PPP4R2: variants seen among roughly 807,000 people sequenced by gnomAD.
PPP4R2 encodes the protein protein phosphatase 4 regulatory subunit 2.
Under a neutral mutation model 47.2 loss-of-function variants are expected in PPP4R2, and 13 were observed. That is an observed-to-expected ratio of 0.28 (90% CI 0.18 to 0.44). The LOEUF is 0.44. PPP4R2 is among the 20% of genes least tolerant of loss of function. The pLI, the probability that PPP4R2 is intolerant of heterozygous loss-of-function variation, is 1.00. For missense variants in PPP4R2, 421 were observed against 491.2 expected (o/e 0.86, Z 1.35); for synonymous variants, 151 against 163.3 (o/e 0.92, Z 0.57).
intron 3 of PPP4R2, among the ~76,000 whole-genome samples, chr3:73,054,790 ATTTTT>A (rs1178901844): frequency 6.6e-6 from 1 of 152,286 alleles, no homozygotes; most frequent in East Asian, 1.9e-4. Context: ...GTGCGCACTT[ATTTTT>A]TGAGTGCCTT....
chr3:73,036,932 A>G (rs1402982817), intron 2 of PPP4R2, among the ~76,000 whole-genome samples: 1 of 152,258 alleles, frequency 6.6e-6, no homozygotes, highest in Non-Finnish European at 1.5e-5. Context: ...AAACCTTTGT[A>G]TTAAAATATA....
intron 2 of PPP4R2, among the ~76,000 whole-genome samples, chr3:73,041,810 A>G (rs1702385095): frequency 6.6e-6 from 1 of 152,252 alleles, no homozygotes; most frequent in Non-Finnish European, 1.5e-5. Flanking sequence ...TTGTAGCACC[A>G]CTTGGGAAAA....
chr3:73,030,314 G>T (rs1402598965), intron 2 of PPP4R2, among the ~76,000 whole-genome samples: 3 of 152,112 alleles, frequency 2.0e-5, no homozygotes, highest in African/African-American at 7.2e-5. Context: ...GGGAGTTCAG[G>T]GTGTGTACAT....
intron 2 of PPP4R2, among the ~76,000 whole-genome samples, chr3:73,015,636 C>T (rs1461235544): frequency 4.0e-5 from 6 of 150,698 alleles, no homozygotes; most frequent in Non-Finnish European, 7.4e-5. Context: ...CCACCATGCC[C>T]AGCTTTTTTT....
At chr3:73,061,873 GT>G in intron 5 of PPP4R2, 1 of 491,674 alleles carries the variant, frequency 2.0e-6, no homozygotes, top group Non-Finnish European at 3.6e-6. Context: ...CAGTCAATTT[GT>G]TTTTAGAATG....
intron 5 of PPP4R2, chr3:73,062,593 T>A: frequency 6.2e-7 from 1 of 1,614,032 alleles, no homozygotes; most frequent in Non-Finnish European, 8.5e-7. Context: ...TTCAAAGATA[T>A]GCCTAACTTT....
chr3:73,049,738 T>TA (rs1287141748), intron 3 of PPP4R2, among the ~76,000 whole-genome samples: 26 of 150,280 alleles, frequency 1.7e-4, no homozygotes, highest in Admixed American at 1.3e-3. Context: ...TAGAAACAAA[T>TA]ACATGTATTA....
chr3:72,998,568 T>G (rs573120135), intron 2 of PPP4R2, among the ~76,000 whole-genome samples: 15 of 152,264 alleles, frequency 9.9e-5, no homozygotes, highest in Admixed American at 9.8e-4. Context: ...GTGTCCAGCC[T>G]TTTTTTGGTC....
chr3:73,038,229 A>G (rs890744812), intron 2 of PPP4R2, among the ~76,000 whole-genome samples: 3 of 152,166 alleles, frequency 2.0e-5, no homozygotes, highest in Non-Finnish European at 2.9e-5. Flanking sequence ...AAGCTAGTAC[A>G]AGTTAAAAAA....
chr3:73,049,633 G>A (rs1356374602), intron 3 of PPP4R2, among the ~76,000 whole-genome samples: 1 of 151,862 alleles, frequency 6.6e-6, no homozygotes, highest in Non-Finnish European at 1.5e-5. Context: ...GGTGAAACAG[G>A]TCAAATTATA....
At chr3:73,058,995 A>AT (rs1559567931) in intron 3 of PPP4R2, 42 bp from the exon 4 acceptor site, 6 of 1,172,166 alleles carry the variant, frequency 5.1e-6, no homozygotes, top group Non-Finnish European at 7.5e-6. Context: ...CGTTTTCTTG[A>AT]TTATCAGTGA....
At chr3:73,019,283 A>G (rs538435733) in intron 2 of PPP4R2, among the ~76,000 whole-genome samples, 2 of 152,310 alleles carry the variant, frequency 1.3e-5, no homozygotes, top group South Asian at 4.1e-4. Context: ...CTGATGACAC[A>G]TTTCTCAGAA....
At chr3:73,038,359 C>A (rs1020859461) in intron 2 of PPP4R2, among the ~76,000 whole-genome samples, 1 of 151,894 alleles carries the variant, frequency 6.6e-6, no homozygotes, top group Non-Finnish European at 1.5e-5. Flanking sequence ...ATTCTAGGGA[C>A]ATTTTTTTTT....
intron 2 of PPP4R2, 123 bp downstream of exon 2, chr3:72,998,281 C>A: frequency 1.7e-6 from 1 of 599,158 alleles, no homozygotes; most frequent in Non-Finnish European, 2.9e-6. Flanking sequence ...AAGTCCTGGT[C>A]ATTTAAATAA....
At chr3:73,018,315 A>G (rs1023187788) in intron 2 of PPP4R2, among the ~76,000 whole-genome samples, 5 of 151,308 alleles carry the variant, frequency 3.3e-5, no homozygotes, top group Non-Finnish European at 7.4e-5. Context: ...CAGGGTTGAC[A>G]GCGGGATTTA....
chr3:73,013,866 CTT>C (rs1243626613), intron 2 of PPP4R2, among the ~76,000 whole-genome samples: 1 of 152,188 alleles, frequency 6.6e-6, no homozygotes, highest in Non-Finnish European at 1.5e-5. Context: ...GTCTCAAACT[CTT>C]GATCCCAGTT....
intron 2 of PPP4R2, among the ~76,000 whole-genome samples, chr3:73,037,329 A>G (rs1436158424): frequency 2.0e-5 from 3 of 152,222 alleles, no homozygotes; most frequent in South Asian, 2.1e-4. Context: ...AGATGTATAT[A>G]CATGTGCTAC....
At chr3:73,050,382 C>CT (rs1013236533) in intron 3 of PPP4R2, among the ~76,000 whole-genome samples, 5 of 152,036 alleles carry the variant, frequency 3.3e-5, no homozygotes, top group African/African-American at 7.2e-5. Context: ...TTAATTTACT[C>CT]TTTTTTTGTC....
intron 2 of PPP4R2, among the ~76,000 whole-genome samples, chr3:73,007,684 T>C (rs1456186040): frequency 6.6e-6 from 1 of 152,146 alleles, no homozygotes; most frequent in East Asian, 1.9e-4. Context: ...AGATGGGGTT[T>C]CACCATGTTG....
Sources: gnomAD v4.1 joint callset for allele counts (sites outside exome capture counted in the v4.1 genomes callset) on GRCh38, gnomAD v4.1.1 for gene constraint, MANE v1.5 for transcripts, NCBI Gene and HGNC (gene_info 2026-07-23, HGNC 2026-07-21) for gene names.